NFASC: variants seen among roughly 807,000 people sequenced by gnomAD.
The protein encoded by NFASC is neurofascin.
NFASC carries 43 observed loss-of-function variants against 147.5 expected under a neutral mutation model. The observed-to-expected ratio is 0.29, with a 90% CI of 0.23 to 0.38. The LOEUF is 0.38. Ranked by LOEUF, NFASC falls within the 10% of genes least tolerant of loss-of-function variation. The probability of loss-of-function intolerance (pLI) is 1.00; values close to 1 mark genes in which losing one functional copy is unlikely to be tolerated. For missense variants in NFASC, 1,320 were observed against 1,689.0 expected (o/e 0.78, Z 3.83); for synonymous variants, 622 against 665.5 (o/e 0.93, Z 1.01).
intron 1 of NFASC, among the ~76,000 whole-genome samples, chr1:204,861,837 T>C (rs907367039): frequency 6.6e-6 from 1 of 152,170 alleles, no homozygotes; most frequent in Non-Finnish European, 1.5e-5. Context: ...TTTGAGCGAG[T>C]GGACAGCCTC....
chr1:204,936,226 G>C (rs1402390025), intron 2 of NFASC, among the ~76,000 whole-genome samples: 1 of 107,784 alleles, frequency 9.3e-6, no homozygotes, highest in Non-Finnish European at 1.8e-5. Context: ...TTTTGAGATG[G>C]AGTCTTGCTC....
intron 1 of NFASC, among the ~76,000 whole-genome samples, chr1:204,882,313 A>C (rs1439210765): frequency 6.6e-6 from 1 of 151,586 alleles, no homozygotes; most frequent in Non-Finnish European, 1.5e-5. Context: ...GGCCCTCCCT[A>C]CCCTGCCCCA....
chr1:204,840,904 C>T (rs1429828219), intron 1 of NFASC, among the ~76,000 whole-genome samples: 3 of 152,228 alleles, frequency 2.0e-5, no homozygotes, highest in African/African-American at 7.2e-5. Context: ...TTCATTTTCT[C>T]AGTTGTAAAA....
intron 1 of NFASC, among the ~76,000 whole-genome samples, chr1:204,870,323 C>G (rs2077491954): frequency 6.6e-6 from 1 of 152,186 alleles, no homozygotes; most frequent in Non-Finnish European, 1.5e-5. Flanking sequence ...TTGCGGAGAG[C>G]CATTGTTCTG....
At position 205,010,370 on chromosome 1, in the gene NFASC, T is replaced by A. The variant is rs2096230294; in HGVS notation, c.3421+682T>A. The A allele has an allele frequency of 6.6e-6, 1 of 152,192 alleles. No homozygotes were observed. The highest frequency in any genetic ancestry group is 2.1e-4 in the South Asian group (1 of 4,832). The allele number at this position is 152,192 out of a possible 1,614,324, so 9.4% of individuals were successfully genotyped here. On this transcript the variant is annotated intron_variant, in intron 28 of 29. Coordinates refer to ENST00000339876, the MANE Select transcript of NFASC (RefSeq NM_001005388.3). The surrounding 1 kb of genome is among the most constrained non-coding windows in gnomAD (Gnocchi z 4.1). ...ACTTCGGGAGGCCAAGGTGAGCAGG[T>A]CACTTAAGGTCAGGAGTTTGAGGCC...
At chr1:204,861,436 T>C (rs573030287) in intron 1 of NFASC, among the ~76,000 whole-genome samples, 1 of 152,134 alleles carries the variant, frequency 6.6e-6, no homozygotes, top group South Asian at 2.1e-4. Flanking sequence ...GGAGTGGAAT[T>C]GCTGGGTCAT....
chr1:204,837,532 A>G (rs754167393), intron 1 of NFASC, among the ~76,000 whole-genome samples: 7 of 152,210 alleles, frequency 4.6e-5, no homozygotes, highest in African/African-American at 9.7e-5. Context: ...TCTGAAGACA[A>G]CAAGATTGTG....
intron 2 of NFASC, among the ~76,000 whole-genome samples, chr1:204,942,717 TG>T (rs1405949998): frequency 6.6e-6 from 1 of 152,014 alleles, no homozygotes; most frequent in Non-Finnish European, 1.5e-5. Flanking sequence ...TGGCATGAAA[TG>T]TTGGTGATCA....
chr1:204,934,535 G>A (rs1002885571), intron 2 of NFASC, among the ~76,000 whole-genome samples: 4 of 152,234 alleles, frequency 2.6e-5, no homozygotes, highest in Non-Finnish European at 2.9e-5. Context: ...ATGAAGGATT[G>A]AGTCTTCCTA....
intron 26 of NFASC, among the ~76,000 whole-genome samples, 178 bp downstream of exon 26, chr1:205,001,464 G>C (rs759774781): frequency 1.3e-5 from 2 of 152,108 alleles, no homozygotes; most frequent in Non-Finnish European, 2.9e-5. Context: ...GAGGTGGGAG[G>C]AACAGGCTCA....
intron 12 of NFASC, 41 bp downstream of exon 12, chr1:204,973,460 C>T: frequency 1.2e-6 from 2 of 1,609,870 alleles, no homozygotes; most frequent in Non-Finnish European, 1.7e-6. Context: ...CTCCTCTCCA[C>T]TACTGCACAG....
chr1:204,937,811 G>T (rs2802815), intron 2 of NFASC, among the ~76,000 whole-genome samples: 16,892 of 152,188 alleles, frequency 0.11, 1,006 homozygotes, highest in Middle Eastern at 0.16. Flanking sequence ...TGGATTTTTG[G>T]TTCAACATAT....
intron 13 of NFASC, 141 bp downstream of exon 13, chr1:204,974,431 G>C: frequency 1.2e-6 from 1 of 802,906 alleles, no homozygotes; most frequent in South Asian, 1.6e-5. Flanking sequence ...AGATCATCTG[G>C]ATCAACCTCC....
At chr1:204,885,781 C>G (rs192666926) in intron 1 of NFASC, among the ~76,000 whole-genome samples, 19 of 152,298 alleles carry the variant, frequency 1.2e-4, no homozygotes, top group African/African-American at 4.3e-4. Context: ...TTCTTCACCC[C>G]CTTTGGCATT....
At position 205,015,087 on chromosome 1, in the gene NFASC, C is replaced by T. The variant is rs901825930; in HGVS notation, c.3492-1221C>T. On this transcript the variant is annotated intron_variant, in intron 29 of 29. Transcript: ENST00000339876. This position sits in a 1 kb window ranked among gnomAD's most constrained non-coding sequence, Gnocchi z 4.0. ...TCTTCTAACACAGCCCCGGCTCTGG[C>T]TCGCTGCCCTCACCTGACAGCTGTC... is the stretch of plus-strand genomic sequence containing the variant. 8.5e-5 allele frequency among the ~76,000 whole-genome samples: 13 copies of T among 152,304 alleles called. No homozygotes were observed. The highest frequency in any genetic ancestry group is 2.9e-4 in the African/African-American group (12 of 41,580).
intron 10 of NFASC, 145 bp from the exon 11 acceptor site, chr1:204,970,471 C>T: frequency 1.2e-6 from 1 of 842,858 alleles, no homozygotes; most frequent in African/African-American, 1.7e-5. Flanking sequence ...CCAAGTTATC[C>T]CTGTGAGGAT....
Position 204,908,498 on chromosome 1 carries a change from C to G in NFASC, c.-199-12134C>G, listed in dbSNP as rs181503387. On this transcript the variant is annotated intron_variant, in intron 1 of 29. Transcript: ENST00000339876. ...TACAAAAAGAATCAACTGAAAAACT[C>G]TTTTTAATCAAACTTTTTTTTTGAG... 1.6e-4 allele frequency among the ~76,000 whole-genome samples: 25 copies of G among 152,214 alleles called. No individual in the cohort carries two copies. The East Asian group carries it at 4.8e-3, about 29-fold the overall frequency.
chr1:204,981,903 C>T lies in NFASC; in HGVS notation c.2353C>T (p.Arg785Cys), dbSNP rs972480557. The change falls in exon 21 of 30, where the codon CGC becomes TGC. Residue 785 changes from arginine to cysteine, a missense_variant. By Grantham distance (180) the Arg-to-Cys change is radical. Transcript: ENST00000339876. ...AWNNVTVWGS[R>C]YVVGQTPVYV... ...GAACAACGTCACAGTGTGGGGCTCT[C>T]GCTACGTGGTGGGGCAGACCCCAGT... 1.9e-6 allele frequency: 3 copies of T among 1,608,296 alleles called. No individual in the cohort carries two copies. The highest frequency in any genetic ancestry group is 2.5e-6 in the Non-Finnish European group (3 of 1,177,434).
intron 3 of NFASC, chr1:204,944,922 G>A (rs1396236830): frequency 6.5e-6 from 1 of 152,912 alleles, no homozygotes; most frequent in East Asian, 1.9e-4. Context: ...CAAAAGACAT[G>A]GCTAAATGAG....
Sources: allele counts gnomAD v4.1 joint callset (sites outside exome capture counted in the v4.1 genomes callset), GRCh38; gene constraint gnomAD v4.1.1; non-coding constraint Gnocchi (gnomAD v3.1); transcripts MANE v1.5; gene names NCBI Gene and HGNC (gene_info 2026-07-23, HGNC 2026-07-21).